SPG11: variants seen among roughly 807,000 people sequenced by gnomAD.
SPG11 encodes the protein spatacsin.
In SPG11, 222 loss-of-function variants were observed where a neutral mutation model predicts 274.0. The observed-to-expected ratio is 0.81, with a 90% CI of 0.73 to 0.91. The LOEUF (loss-of-function observed/expected upper bound fraction) is 0.91. SPG11 is among the 40% of genes least tolerant of loss of function. The pLI, the probability that SPG11 is intolerant of heterozygous loss-of-function variation, is 0.00. For synonymous variants in SPG11, 1,144 were observed against 1,039.7 expected (o/e 1.10, Z -1.93); for missense variants, 3,114 against 2,872.7 (o/e 1.08, Z -1.92).
intron 36 of SPG11, among the ~76,000 whole-genome samples, chr15:44,566,596 T>C (rs1292530527): frequency 6.6e-6 from 1 of 152,174 alleles, no homozygotes; most frequent in Admixed American, 6.5e-5. Context: ...ACCCTGGATA[T>C]ATAGGCTATA....
intron 14 of SPG11, 24 bp downstream of exon 14, chr15:44,621,735 T>C: frequency 6.2e-7 from 1 of 1,608,388 alleles, no homozygotes; most frequent in Non-Finnish European, 8.5e-7. Context: ...AGTATGTTCA[T>C]ATTTCAGGCT....
chr15:44,597,095 T>C, intron 23 of SPG11, 152 bp from the exon 24 acceptor site: 1 of 718,574 alleles, frequency 1.4e-6, no homozygotes, highest in Middle Eastern at 4.1e-4. Flanking sequence ...TAGGCTACTT[T>C]GAAAAAAGTA....
In SPG11 at chr15:44,567,414, C is replaced by T. The variant is rs1567127068; in HGVS notation, c.6754+10G>A. ...CACTGTTCTGGTAGTGTGGCTGTGA[C>T]CTCACTCACCCCAGGGCTGAGACTC... is the stretch of plus-strand genomic sequence containing the variant. On this transcript the variant is annotated intron_variant, in intron 36 of 39. Transcript: ENST00000261866. 1 of 1,612,788 alleles carries T rather than the reference C, an allele frequency of 6.2e-7. No individual in the cohort carries two copies. Among genetic ancestry groups the T allele is most frequent in the Non-Finnish European group, 8.5e-7 (1 of 1,179,430 alleles).
intron 35 of SPG11, among the ~76,000 whole-genome samples, chr15:44,568,831 G>A (rs2140919535): frequency 1.3e-5 from 2 of 152,278 alleles, no homozygotes; most frequent in Non-Finnish European, 2.9e-5. Context: ...GACAGTAGAG[G>A]CAGGAGACAG....
chr15:44,621,935 C>CTT lies in SPG11; in HGVS notation c.2445-2_2445-1insAA. The CTT allele has an allele frequency of 2.5e-6, 4 of 1,605,262 alleles. No homozygotes were observed. Among genetic ancestry groups the CTT allele is most frequent in the Non-Finnish European group, 3.4e-6 (4 of 1,176,996 alleles). On this transcript the variant is annotated splice_acceptor_variant, in intron 13 of 39. Coordinates refer to ENST00000261866, the MANE Select transcript of SPG11 (RefSeq NM_025137.4). LOFTEE classifies it high-confidence loss of function. ...AAAATCTTGTTCCTTTATCCAGTAC[C>CTT]TAAAAACAGTGATATAAATTTTTTT... is the stretch of plus-strand genomic sequence containing the variant.
chr15:44,601,152 C>CAAAAAAACA (rs2083176765), intron 20 of SPG11, among the ~76,000 whole-genome samples: 1 of 150,878 alleles, frequency 6.6e-6, no homozygotes, highest in Admixed American at 6.6e-5. Flanking sequence ...AACTTCATTT[C>CAAAAAAACA]AAAAAAACAA....
chr15:44,600,577 A>G lies in SPG11; in HGVS notation c.3576T>C (p.Ala1192=), dbSNP rs1308552914. 6.2e-7 allele frequency: 1 copy of G among 1,614,212 alleles called. No homozygotes were observed. The highest frequency in any genetic ancestry group is 1.7e-5 in the Admixed American group (1 of 60,030). ...AAGCAAAATTCAGACGTTCCACTAT[A>G]GCATATTTATTAACCAGGTCAGGGC... ...FSSPDLVNKY[A]IVERLNFAYY... Residue 1192 remains alanine (A), a synonymous_variant, in exon 21 of 40, where the codon GCT becomes GCC. Coordinates refer to ENST00000261866, the MANE Select transcript of SPG11 (RefSeq NM_025137.4).
In SPG11 at chr15:44,569,521, A is replaced by G; in HGVS notation, c.6478-16T>C. ...GGAGCCGTACCTGTGAAGTGGGAGG[A>G]CAGCTCGCATCAGCATCACCTGGAG... On this transcript the variant is annotated splice_polypyrimidine_tract_variant and intron_variant, in intron 34 of 39. Coordinates refer to ENST00000261866, the MANE Select transcript of SPG11 (RefSeq NM_025137.4). 1 of 1,555,966 alleles carries G rather than the reference A, an allele frequency of 6.4e-7. No homozygotes were observed.
chr15:44,652,074 G>T, intron 5 of SPG11, 55 bp downstream of exon 5: 1 of 1,605,528 alleles, frequency 6.2e-7, no homozygotes, highest in South Asian at 1.1e-5. Context: ...AGGGTACAGC[G>T]TCAGCATGAT....
At chr15:44,655,697 G>C (rs1200229958) in intron 4 of SPG11, among the ~76,000 whole-genome samples, 1 of 152,130 alleles carries the variant, frequency 6.6e-6, no homozygotes, top group African/African-American at 2.4e-5. Context: ...TCAACTGTAG[G>C]CTATTAGTAG....
chr15:44,589,504 A>T (rs1029517284), intron 27 of SPG11, 90 bp from the exon 28 acceptor site: 1 of 1,500,058 alleles, frequency 6.7e-7, no homozygotes, highest in Admixed American at 1.7e-5. Context: ...AAGAAAGCTA[A>T]AATTCCCTCA....
Position 44,652,129 on chromosome 15 carries a change from C to G in SPG11, c.1007G>C (p.Arg336Thr). ...CTACATGAAAAGGAAGTTTCTGTAC[C>G]TATCAATTTGGAAGGAAAACTTGGC... ...KLAKFSFQID[R>T]SWKAQLSSLN... The change falls in exon 5 of 40, where the codon AGG (arginine) becomes ACG (threonine). Residue 336 changes from arginine to threonine, a missense_variant and splice_region_variant. Transcript: ENST00000261866. 6.2e-7 allele frequency: 1 copy of G among 1,614,012 alleles called. No individual in the cohort carries two copies. Among genetic ancestry groups the G allele is most frequent in the Non-Finnish European group, 8.5e-7 (1 of 1,179,982 alleles).
chr15:44,655,555 A>G (rs1363707761), intron 4 of SPG11, among the ~76,000 whole-genome samples: 1 of 152,172 alleles, frequency 6.6e-6, no homozygotes, highest in Non-Finnish European at 1.5e-5. Flanking sequence ...CTGTAAATGT[A>G]TTTTCGCTTC....
chr15:44,657,612 G>T (rs767149688), intron 3 of SPG11, among the ~76,000 whole-genome samples: 2 of 152,134 alleles, frequency 1.3e-5, no homozygotes, highest in South Asian at 2.1e-4. Context: ...ACCCAATACT[G>T]TCTATCCAAA....
chr15:44,595,868 T>C (rs1224627622), intron 25 of SPG11, among the ~76,000 whole-genome samples: 1 of 152,164 alleles, frequency 6.6e-6, no homozygotes, highest in Non-Finnish European at 1.5e-5. Context: ...AAGGCTCTGA[T>C]CACTTGAGTT....
At chr15:44,604,519 C>G (rs1046547725) in intron 20 of SPG11, among the ~76,000 whole-genome samples, 2 of 152,178 alleles carry the variant, frequency 1.3e-5, no homozygotes, top group Admixed American at 6.5e-5. Flanking sequence ...GGAAATTTTA[C>G]TCTGGCCTGG....
rs771589139 is a variant in SPG11, at chr15:44,566,294, T to G, written c.6766A>C (p.Lys2256Gln). ...AGTTGTTTCAGCTGGTGCCCATCCT[T>G]GAGGCTGTCCTCTGTAGGGGAAATA... ...IESQPWEDSL[K>Q]DGHQLKQLLL... The change falls in exon 37 of 40, where the codon AAG becomes CAG. Residue 2256 changes from lysine to glutamine, a missense_variant. Coordinates refer to ENST00000261866, the MANE Select transcript of SPG11 (RefSeq NM_025137.4). 4.5e-5 allele frequency: 72 copies of G among 1,614,028 alleles called. No homozygotes were observed. Among genetic ancestry groups the G allele is most frequent in the Non-Finnish European group, 6.0e-5 (71 of 1,180,028 alleles).
intron 25 of SPG11, 145 bp from the exon 26 acceptor site, chr15:44,595,604 C>T (rs2083015556): frequency 2.2e-6 from 2 of 896,126 alleles, no homozygotes; most frequent in Non-Finnish European, 3.5e-6. Flanking sequence ...ATGAAACAAA[C>T]TAATGAGCAA....
intron 8 of SPG11, among the ~76,000 whole-genome samples, chr15:44,632,382 C>A (rs2084093654): frequency 1.3e-5 from 2 of 152,072 alleles, no homozygotes; most frequent in Non-Finnish European, 2.9e-5. Context: ...CTTTATTACC[C>A]TGTTGTTCTA....
Sources: allele counts gnomAD v4.1 joint callset (sites outside exome capture counted in the v4.1 genomes callset), GRCh38; gene constraint gnomAD v4.1.1; transcripts MANE v1.5; gene names NCBI Gene and HGNC (gene_info 2026-07-23, HGNC 2026-07-21).